Variants in RAI1 observed in about 807,000 individuals in gnomAD.
The protein encoded by RAI1 is retinoic acid induced 1.
A neutral mutation model predicts 123.8 loss-of-function variants in RAI1; 9 were observed. The observed-to-expected ratio is 0.07, with a 90% confidence interval of 0.04 to 0.13. The LOEUF is 0.13. Among genes scored for constraint, RAI1 ranks in the 10% least tolerant of loss-of-function variants. RAI1 has a pLI of 1.00. For synonymous variants in RAI1, 1,231 were observed against 1,127.3 expected, an observed-to-expected ratio of 1.09 and a Z score of -1.84; for missense variants, 2,256 against 2,545.8, an observed-to-expected ratio of 0.89 and a Z score of 2.45.
intron 2 of RAI1, among the ~76,000 whole-genome samples, chr17:17,749,394 T>A (rs2030063733): frequency 6.6e-6 from 1 of 152,270 alleles, no homozygotes; most frequent in Non-Finnish European, 1.5e-5. Context: ...TGCCTAGGCA[T>A]CAGGCGGAGG....
At chr17:17,704,553 G>T (rs946417840) in intron 1 of RAI1, among the ~76,000 whole-genome samples, 1 of 152,136 alleles carries the variant, frequency 6.6e-6, no homozygotes, top group Non-Finnish European at 1.5e-5. Context: ...CAGGAGTTCC[G>T]ATCTCAACTC....
chr17:17,719,021 T>C (rs1213616011), intron 1 of RAI1, among the ~76,000 whole-genome samples: 2 of 152,166 alleles, frequency 1.3e-5, no homozygotes, highest in African/African-American at 4.8e-5. Context: ...TGAATCCTGC[T>C]AACCCTGCCT....
rs534463955 is a variant in RAI1, at chr17:17,736,824, TA to T, written c.-17+12666del. ...AACATTTCTGGAAATGGATTCTTTC[TA>T]GAGAGAAACTAGAATACTTCTGGAA... On this transcript the variant is annotated intron_variant, in intron 2 of 5. Coordinates refer to ENST00000353383, the MANE Select transcript of RAI1 (RefSeq NM_030665.4). Among the ~76,000 whole-genome samples the T allele has an allele frequency of 3.3e-3, 508 of 152,308 alleles. 1 individual carries two copies. Among genetic ancestry groups the T allele is most frequent in the African/African-American group, 0.011 (475 of 41,558 alleles).
At chr17:17,725,135 T>TG (rs905138854) in intron 2 of RAI1, among the ~76,000 whole-genome samples, 1 of 22,178 alleles carries the variant, frequency 4.5e-5, no homozygotes, top group Non-Finnish European at 1.0e-4. Context: ...GGGAGGGGGC[T>TG]GGGGGGTGGG....
At chr17:17,788,442 G>A (rs981116682) in intron 2 of RAI1, among the ~76,000 whole-genome samples, 1 of 152,144 alleles carries the variant, frequency 6.6e-6, no homozygotes, top group Admixed American at 6.5e-5. Flanking sequence ...CAAGTCTCCT[G>A]TATTGATTAT....
chr17:17,809,858 C>G lies in RAI1; in HGVS notation c.5710-112C>G, dbSNP rs1302587619. The G allele has an allele frequency of 4.1e-6, 6 of 1,469,534 alleles. No individual in the cohort carries two copies. Among genetic ancestry groups the G allele is most frequent in the Non-Finnish European group, 5.6e-6 (6 of 1,078,394 alleles). 91.0% of individuals were successfully genotyped at this position (1,469,534 alleles called of 1,614,324 possible). Reference sequence around the variant, plus strand: ...GCCTCGGGCGGAGACCCCAGCCGCGCTCTGGGGTCGCCTGGGTCTGGGGCT... The same window carrying G: ...GCCTCGGGCGGAGACCCCAGCCGCGGTCTGGGGTCGCCTGGGTCTGGGGCT... On this transcript the variant is annotated intron_variant, in intron 5 of 5. Transcript: ENST00000353383. This position sits in a 1 kb window ranked among gnomAD's most constrained non-coding sequence, Gnocchi z 4.9.
intron 2 of RAI1, among the ~76,000 whole-genome samples, chr17:17,776,062 CT>C (rs1394132276): frequency 6.6e-6 from 1 of 152,212 alleles, no homozygotes; most frequent in African/African-American, 2.4e-5. Flanking sequence ...TCCTTCCCCT[CT>C]TGGGGGCTGT....
chr17:17,691,923 A>G (rs1276491998), intron 1 of RAI1, among the ~76,000 whole-genome samples: 1 of 152,138 alleles, frequency 6.6e-6, no homozygotes, highest in Non-Finnish European at 1.5e-5. Flanking sequence ...CAGAGGAAAA[A>G]CAATATTTTC....
At chr17:17,774,919 G>A (rs2031283362) in intron 2 of RAI1, among the ~76,000 whole-genome samples, 1 of 152,190 alleles carries the variant, frequency 6.6e-6, no homozygotes. Flanking sequence ...CCCACAGCAA[G>A]GCAGTGTCTG....
Position 17,810,280 on chromosome 17 carries a change from TC to T in RAI1, c.*303del. On this transcript the variant is annotated 3_prime_UTR_variant, in exon 6 of 6. Coordinates refer to ENST00000353383, the MANE Select transcript of RAI1 (RefSeq NM_030665.4). The surrounding 1 kb of genome is among the most constrained non-coding windows in gnomAD (Gnocchi z 4.6). ...GGGGGAGCCCGCGGAGCGGCCAGACTCCCCGGGGCGCTCAGCCTCCGGCGAG... is the reference window on the plus strand; with the variant it reads ...GGGGGAGCCCGCGGAGCGGCCAGACTCCCGGGGCGCTCAGCCTCCGGCGAG... The T allele has an allele frequency of 2.1e-6, 1 of 469,974 alleles. No individual in the cohort carries two copies. 29.1% of individuals were successfully genotyped at this position (469,974 alleles called of 1,614,324 possible).
chr17:17,797,919 C>T lies in RAI1; in HGVS notation c.4971C>T (p.Ile1657=). The T allele has an allele frequency of 1.2e-6, 2 of 1,613,990 alleles. No homozygotes were observed. Among genetic ancestry groups the T allele is most frequent in the Non-Finnish European group, 1.7e-6 (2 of 1,180,016 alleles). ...TGGCCACACTCCCTGGAGGCTCCAT[C>T]CTGCAGCCGCGGCCCTCCTTGCCCC... ...ASLATLPGGS[I]LQPRPSLPLS... is the part of the protein sequence containing the mutation. The change falls in exon 3 of 6, where the codon ATC becomes ATT. Residue 1657 remains isoleucine (I), a synonymous_variant. Transcript: ENST00000353383.
chr17:17,797,114 A>G lies in RAI1; in HGVS notation c.4166A>G (p.Gln1389Arg), dbSNP rs757354656. Residue 1389 changes from glutamine to arginine, a missense_variant, in exon 3 of 6, where the codon CAG becomes CGG. Gln to Arg is a conservative substitution (Grantham distance 43). This residue lies in a region of RAI1 where 410 missense variants were observed against 374.6 expected (regional missense o/e 1.09). Coordinates refer to ENST00000353383, the MANE Select transcript of RAI1 (RefSeq NM_030665.4). ...EEGLVNVGTG[Q>R]KLPTSGADPL... ...GGCCTGGTAAATGTGGGCACCGGGC[A>G]GAAGCTCCCAACTTCTGGGGCTGAT... 6.8e-6 allele frequency: 11 copies of G among 1,614,070 alleles called. No homozygotes were observed. The Admixed American group carries it at 1.3e-4, about 20-fold the overall frequency.
intron 2 of RAI1, among the ~76,000 whole-genome samples, chr17:17,791,931 C>G (rs2032025501): frequency 6.6e-6 from 1 of 152,184 alleles, no homozygotes; most frequent in African/African-American, 2.4e-5. Context: ...TGAGCCCCAT[C>G]CCCTAAAATC....
chr17:17,805,103 C>T (rs866689817), intron 4 of RAI1, among the ~76,000 whole-genome samples: 12 of 152,192 alleles, frequency 7.9e-5, no homozygotes, highest in Middle Eastern at 3.4e-3. Flanking sequence ...CCTCGTGATC[C>T]GCCCGCCTCA....
At chr17:17,722,372 C>T (rs987748256) in intron 1 of RAI1, among the ~76,000 whole-genome samples, 2 of 152,206 alleles carry the variant, frequency 1.3e-5, no homozygotes, top group Non-Finnish European at 2.9e-5. Context: ...CCGCCAGCTG[C>T]ACTCAGAACC....
chr17:17,683,996 C>T (rs1188171509), intron 1 of RAI1: 1 of 152,236 alleles, frequency 6.6e-6, no homozygotes, highest in African/African-American at 2.4e-5. Flanking sequence ...GCATCAGTCT[C>T]CTGAGTAGCT....
rs1394210574 is a variant in RAI1 at position 17,800,182 on chromosome 17, C to CTCTCTCTGTCTCTCTCTG, written c.5565+1676_5565+1677insGTCTCTCTCTGTCTCTCT. Reference sequence around the variant, plus strand: ...TCTCCTGCTTTCTGTCTCTCTCTGTCTCTCTCTCTCTCTCTCTCTCTCTCT... The same window carrying CTCTCTCTGTCTCTCTCTG: ...TCTCCTGCTTTCTGTCTCTCTCTGTCTCTCTCTGTCTCTCTCTGTCTCTCTCTCTCTCTCTCTCTCTCT... On this transcript the variant is annotated intron_variant, in intron 3 of 5. Coordinates refer to ENST00000353383, the MANE Select transcript of RAI1 (RefSeq NM_030665.4). The surrounding 1 kb of genome is among the most constrained non-coding windows in gnomAD (Gnocchi z 4.7). Among the ~76,000 whole-genome samples the CTCTCTCTGTCTCTCTCTG allele has an allele frequency of 5.0e-4, 16 of 31,872 alleles. No individual in the cohort carries two copies. Among genetic ancestry groups the CTCTCTCTGTCTCTCTCTG allele is most frequent in the Admixed American group, 7.8e-4 (2 of 2,574 alleles). The allele number at this position is 31,872 out of a possible 152,430, so 20.9% of individuals were successfully genotyped here.
intron 2 of RAI1, 147 bp downstream of exon 2, chr17:17,724,306 G>A (rs1331698987): frequency 6.6e-6 from 1 of 151,466 alleles, no homozygotes; most frequent in Non-Finnish European, 1.5e-5. Context: ...CACCCCTCCC[G>A]CGGCGCCAGG....
At chr17:17,763,013 G>A in intron 2 of RAI1, among the ~76,000 whole-genome samples, 1 of 149,950 alleles carries the variant, frequency 6.7e-6, no homozygotes, top group East Asian at 1.9e-4. Flanking sequence ...TGAACCCAGA[G>A]ATCATTTATC....
Sources: allele counts gnomAD v4.1 joint callset (sites outside exome capture counted in the v4.1 genomes callset), GRCh38; gene constraint gnomAD v4.1.1; regional missense constraint gnomAD v4.1.1; non-coding constraint Gnocchi (gnomAD v3.1); transcripts MANE v1.5; gene names NCBI Gene and HGNC (gene_info 2026-07-23, HGNC 2026-07-21).